The following GPR158 variants were observed in gnomAD, a reference collection of about 807,000 sequenced individuals.
GPR158 encodes G protein-coupled receptor 158, also known as metabotropic glycine receptor.
In GPR158, 30 loss-of-function variants were observed where a neutral mutation model predicts 78.2. That is an observed-to-expected ratio of 0.38 (90% CI 0.29 to 0.52). The LOEUF (loss-of-function observed/expected upper bound fraction) is 0.52, where lower values mean the gene tolerates loss of function less well. Ranked by LOEUF, GPR158 falls within the 20% of genes least tolerant of loss-of-function variation. GPR158 has a pLI of 0.83. For missense variants in GPR158, 1,463 were observed against 1,523.5 expected, an observed-to-expected ratio of 0.96 and a Z score of 0.66; for synonymous variants, 581 against 591.1, an observed-to-expected ratio of 0.98 and a Z score of 0.25.
intron 5 of GPR158, among the ~76,000 whole-genome samples, chr10:25,515,060 T>C (rs1344158047): frequency 6.6e-6 from 1 of 152,144 alleles, no homozygotes; most frequent in African/African-American, 2.4e-5. Context: ...GATGTCTAGA[T>C]CTCTAACAAG....
chr10:25,425,914 G>C (rs568134230), intron 4 of GPR158, among the ~76,000 whole-genome samples: 1 of 152,200 alleles, frequency 6.6e-6, no homozygotes, highest in South Asian at 2.1e-4. Flanking sequence ...TCAGCTTTCA[G>C]CAGTTTCCAA....
chr10:25,368,951 T>C (rs1326222784), intron 2 of GPR158, among the ~76,000 whole-genome samples: 2 of 75,030 alleles, frequency 2.7e-5, no homozygotes, highest in Non-Finnish European at 6.4e-5. Flanking sequence ...GGGAGTTCAC[T>C]CATGATTTGG....
chr10:25,363,252 T>A (rs371105253), intron 2 of GPR158, among the ~76,000 whole-genome samples: 1 of 151,982 alleles, frequency 6.6e-6, no homozygotes, highest in Admixed American at 6.6e-5. Flanking sequence ...CAAATTGTAT[T>A]TTGTTATCAC....
intron 2 of GPR158, among the ~76,000 whole-genome samples, chr10:25,272,529 A>G (rs983412268): frequency 6.6e-6 from 1 of 152,162 alleles, no homozygotes; most frequent in Non-Finnish European, 1.5e-5. Flanking sequence ...CTTTATGCTT[A>G]AGTCAATCCA....
intron 2 of GPR158, among the ~76,000 whole-genome samples, chr10:25,308,020 G>A (rs2130458071): frequency 6.6e-6 from 1 of 152,222 alleles, no homozygotes; most frequent in South Asian, 2.1e-4. Flanking sequence ...ATGAATTCCT[G>A]TTTTCCCTTA....
intron 5 of GPR158, among the ~76,000 whole-genome samples, chr10:25,490,381 C>T (rs570477752): frequency 3.0e-4 from 44 of 144,750 alleles, no homozygotes; most frequent in Non-Finnish European, 4.2e-4. Flanking sequence ...CATGCTGGTG[C>T]GCTGCACCCA....
chr10:25,369,651 C>T (rs1368121267), intron 2 of GPR158, among the ~76,000 whole-genome samples: 1 of 151,730 alleles, frequency 6.6e-6, no homozygotes, highest in Non-Finnish European at 1.5e-5. Context: ...TGTCTCTGCC[C>T]AGCTTTGCTG....
chr10:25,401,890 T>C (rs566600182), intron 3 of GPR158, among the ~76,000 whole-genome samples: 1 of 152,268 alleles, frequency 6.6e-6, no homozygotes, highest in African/African-American at 2.4e-5. Flanking sequence ...AATCATAATG[T>C]TTTAAAAATA....
intron 2 of GPR158, among the ~76,000 whole-genome samples, chr10:25,282,752 C>T (rs975483759): frequency 1.3e-5 from 2 of 152,064 alleles, no homozygotes; most frequent in South Asian, 2.1e-4. Flanking sequence ...TGCTTCTTTG[C>T]CATTCATACA....
intron 1 of GPR158, among the ~76,000 whole-genome samples, chr10:25,217,617 A>C (rs1382603387): frequency 6.6e-6 from 1 of 152,230 alleles, no homozygotes; most frequent in East Asian, 1.9e-4. Flanking sequence ...GGCAGTGGCC[A>C]TGCATATGGA....
At position 25,241,985 on chromosome 10, in the gene GPR158, A is replaced by G. The variant is rs116841649; in HGVS notation, c.1008+20828A>G. On this transcript the variant is annotated intron_variant, in intron 2 of 10. Transcript: ENST00000376351. ...GAGCACCTATTCCCCGTATCTACTT[A>G]ACAAATGTTGGCTAAGTGAGTAAAT... Among the ~76,000 whole-genome samples, 1,050 of 152,348 alleles carry G rather than the reference A, an allele frequency of 6.9e-3. 5 individuals are homozygous for G. The highest frequency in any genetic ancestry group is 0.011 in the Non-Finnish European group (738 of 68,038).
Position 25,569,591 on chromosome 10 carries a change from CT to C in GPR158, c.1515-3055del, listed in dbSNP as rs1836977111. ...GAGTTGCTGGGTATTGAGAACCAAA[CT>C]TTGCTTCCTGCCAACCAGTTCCCCC... is the stretch of plus-strand genomic sequence containing the variant. On this transcript the variant is annotated intron_variant, in intron 6 of 10. Transcript: ENST00000376351. 2.0e-5 allele frequency among the ~76,000 whole-genome samples: 3 copies of C among 152,306 alleles called. No homozygotes were observed. The South Asian group carries it at 6.2e-4, about 32-fold the overall frequency.
chr10:25,545,328 G>A (rs1196937166), intron 5 of GPR158, among the ~76,000 whole-genome samples: 1 of 152,186 alleles, frequency 6.6e-6, no homozygotes, highest in Non-Finnish European at 1.5e-5. Flanking sequence ...AACCAACAGT[G>A]TAAAAGCATC....
At chr10:25,449,560 C>T (rs1835186609) in intron 4 of GPR158, among the ~76,000 whole-genome samples, 1 of 152,094 alleles carries the variant, frequency 6.6e-6, no homozygotes, top group African/African-American at 2.4e-5. Flanking sequence ...AAAAGACTTT[C>T]CTAGGAGAGA....
chr10:25,209,654 T>C (rs1319841063), intron 1 of GPR158, among the ~76,000 whole-genome samples: 1 of 152,202 alleles, frequency 6.6e-6, no homozygotes, highest in African/African-American at 2.4e-5. Flanking sequence ...ATATTTTTAT[T>C]TTAATCTTTG....
At chr10:25,203,471 T>G in intron 1 of GPR158, among the ~76,000 whole-genome samples, 1 of 152,104 alleles carries the variant, frequency 6.6e-6, no homozygotes, top group Non-Finnish European at 1.5e-5. Flanking sequence ...TTTCTACATA[T>G]GGCTAGCCAG....
intron 2 of GPR158, among the ~76,000 whole-genome samples, chr10:25,254,016 A>ATC (rs1853854175): frequency 2.0e-5 from 3 of 152,210 alleles, no homozygotes; most frequent in Admixed American, 1.3e-4. Context: ...ATGGAAGGAT[A>ATC]TGTGTGTATG....
intron 2 of GPR158, among the ~76,000 whole-genome samples, chr10:25,381,040 G>A (rs1231487116): frequency 6.6e-6 from 1 of 152,170 alleles, no homozygotes; most frequent in East Asian, 1.9e-4. Context: ...ATAGGACAGA[G>A]CCCTGGAAAC....
intron 5 of GPR158, among the ~76,000 whole-genome samples, chr10:25,489,839 C>G (rs116509067): frequency 0.015 from 2,287 of 152,136 alleles, 63 homozygotes; most frequent in African/African-American, 0.053. Flanking sequence ...TACCTCATAC[C>G]ATACACACAG....
Sources: gnomAD v4.1 joint callset for allele counts (sites outside exome capture counted in the v4.1 genomes callset) on GRCh38, gnomAD v4.1.1 for gene constraint, MANE v1.5 for transcripts, NCBI Gene and HGNC (gene_info 2026-07-23, HGNC 2026-07-21) for gene names.